ABLIM2: variants seen among roughly 807,000 people sequenced by gnomAD.
The protein encoded by ABLIM2 is actin-binding LIM protein 2.
Under a neutral mutation model 97.7 loss-of-function variants are expected in ABLIM2, and 53 were observed. The ratio of observed to expected loss-of-function variants is 0.54; its 90% CI spans 0.44 to 0.68. The LOEUF (loss-of-function observed/expected upper bound fraction) is 0.68, where lower values mean the gene tolerates loss of function less well. Among genes scored for constraint, ABLIM2 ranks in the 30% least tolerant of loss-of-function variants. ABLIM2 has a pLI of 0.00. For synonymous variants in ABLIM2, 361 were observed against 345.8 expected, an observed-to-expected ratio of 1.04 and a Z score of -0.49; for missense variants, 835 against 867.2, an observed-to-expected ratio of 0.96 and a Z score of 0.47.
At chr4:8,013,219 CTTTTTTTTTTTTT>C in intron 14 of ABLIM2, among the ~76,000 whole-genome samples, 1 of 110,596 alleles carries the variant, frequency 9.0e-6, no homozygotes, top group East Asian at 2.5e-4. Context: ...AACATTTTTC[CTTTTTTTTTTTTT>C]TTTTTTTTGA....
intron 7 of ABLIM2, among the ~76,000 whole-genome samples, chr4:8,056,336 ACT>A (rs1799143879): frequency 7.6e-6 from 1 of 131,198 alleles, no homozygotes; most frequent in Admixed American, 8.6e-5. Flanking sequence ...ACAGGGTCTC[ACT>A]CTGTTACCCA....
chr4:8,012,906 T>A (rs1350013673), intron 14 of ABLIM2, among the ~76,000 whole-genome samples: 1 of 152,226 alleles, frequency 6.6e-6, no homozygotes, highest in Non-Finnish European at 1.5e-5. Flanking sequence ...TCAGTCCATC[T>A]ACCCTCTGTT....
At position 8,061,862 on chromosome 4, in the gene ABLIM2, G is replaced by A. The variant is rs1335588184; in HGVS notation, c.676-808C>T. On this transcript the variant is annotated intron_variant, in intron 6 of 20. Transcript: ENST00000447017. The surrounding 1 kb of genome is among the most constrained non-coding windows in gnomAD (Gnocchi z 4.5). ...CCAGTTTCCTGAATCAGTAAGTAAA[G>A]GGCTGAAATGTCATTTTGAGCATCC... Among the ~76,000 whole-genome samples the A allele has an allele frequency of 6.6e-6, 1 of 152,080 alleles. No homozygotes were observed. Among genetic ancestry groups the A allele is most frequent in the East Asian group, 1.9e-4 (1 of 5,192 alleles).
In ABLIM2 at chr4:8,128,805, AGAGGCC is replaced by A. The variant is rs1383722409; in HGVS notation, c.11-22174_11-22169del. On this transcript the variant is annotated intron_variant, in intron 1 of 20. Coordinates refer to ENST00000447017, the MANE Select transcript of ABLIM2 (RefSeq NM_001130083.2). The surrounding 1 kb of genome is among the most constrained non-coding windows in gnomAD (Gnocchi z 4.9). ...TCATGGGATGAGTGCCCTTGTAAGA[AGAGGCC>A]AGAGGCTGCCTCGCTCTTTCTACCA... Among the ~76,000 whole-genome samples the A allele has an allele frequency of 6.6e-6, 1 of 152,176 alleles. No homozygotes were observed. Among genetic ancestry groups the A allele is most frequent in the Admixed American group, 6.5e-5 (1 of 15,286 alleles).
At chr4:8,011,527 G>A (rs546275689) in intron 14 of ABLIM2, among the ~76,000 whole-genome samples, 107 of 152,290 alleles carry the variant, frequency 7.0e-4, no homozygotes, top group Middle Eastern at 6.8e-3. Context: ...ACCCCTCCAC[G>A]TTGTGAGGAT....
chr4:7,985,944 C>G (rs1743597129), intron 17 of ABLIM2, among the ~76,000 whole-genome samples: 1 of 152,256 alleles, frequency 6.6e-6, no homozygotes, highest in East Asian at 1.9e-4. Context: ...GCAGTCCTGC[C>G]CCTGCCCACT....
At chr4:8,000,001 C>A (rs1455241274) in intron 16 of ABLIM2, among the ~76,000 whole-genome samples, 1 of 152,184 alleles carries the variant, frequency 6.6e-6, no homozygotes, top group African/African-American at 2.4e-5. Flanking sequence ...CACACAGCAT[C>A]CGGGTCTGCT....
At chr4:8,048,800 C>T (rs948220338) in intron 8 of ABLIM2, among the ~76,000 whole-genome samples, 12 of 152,154 alleles carry the variant, frequency 7.9e-5, no homozygotes, top group Admixed American at 3.9e-4. Flanking sequence ...AGGACCAGCC[C>T]GGCCAGTCCA....
At chr4:8,059,632 TG>T (rs1801562468) in intron 7 of ABLIM2, among the ~76,000 whole-genome samples, 1 of 152,030 alleles carries the variant, frequency 6.6e-6, no homozygotes, top group African/African-American at 2.4e-5. Context: ...CGGGGCATGG[TG>T]GATCATACCT....
Position 8,088,227 on chromosome 4 carries a change from C to T in ABLIM2, c.396G>A (p.Gln132=). 1.2e-6 allele frequency: 2 copies of T among 1,613,122 alleles called. No individual in the cohort carries two copies. The highest frequency in any genetic ancestry group is 1.7e-6 in the Non-Finnish European group (2 of 1,179,674). The change falls in exon 4 of 21, where the codon CAG becomes CAA. Residue 132 remains glutamine, a synonymous_variant. Coordinates refer to ENST00000447017, the MANE Select transcript of ABLIM2 (RefSeq NM_001130083.2). ...VTFNGKECMC[Q]KCSLPVSVGS... is the part of the protein sequence containing the mutation. Reference sequence around the variant, plus strand: ...CCACCGATACGGGCAGGGAACACTTCTGGCACATGCATTCCTTCCCGTTGA... The same window carrying T: ...CCACCGATACGGGCAGGGAACACTTTTGGCACATGCATTCCTTCCCGTTGA...
At position 8,149,837 on chromosome 4, in the gene ABLIM2, G is replaced by A. The variant is rs1282209005; in HGVS notation, c.10+8843C>T. Among the ~76,000 whole-genome samples the A allele has an allele frequency of 5.3e-5, 8 of 151,978 alleles. No homozygotes were observed. The highest frequency in any genetic ancestry group is 2.4e-5 in the African/African-American group (1 of 41,372). On this transcript the variant is annotated intron_variant, in intron 1 of 20. Transcript: ENST00000447017. The surrounding 1 kb of genome is among the most constrained non-coding windows in gnomAD (Gnocchi z 6.4). The stretch of plus-strand genomic sequence containing the variant: ...GACTGGCCCTGCGCCCAGACAGGAC[G>A]GGGCCTATGGAGTAAGACCCCACAC...
intron 20 of ABLIM2, among the ~76,000 whole-genome samples, chr4:7,971,029 C>T (rs1451512283): frequency 1.3e-5 from 2 of 152,098 alleles, no homozygotes; most frequent in East Asian, 1.9e-4. Flanking sequence ...ACATGAGGGG[C>T]TCTCCGCAGC....
intron 7 of ABLIM2, among the ~76,000 whole-genome samples, chr4:8,056,129 A>C (rs866243645): frequency 7.8e-6 from 1 of 127,948 alleles, no homozygotes. Context: ...AAAAAAAAAA[A>C]AAAAAAAAAA....
At chr4:8,036,454 GC>G (rs5856001) in intron 9 of ABLIM2, among the ~76,000 whole-genome samples, 159 bp from the exon 10 acceptor site, 56,914 of 149,790 alleles carry the variant, frequency 0.38, 11,658 homozygotes, top group African/African-American at 0.53. Context: ...ACAGGACAGT[GC>G]CCCCAAAGCC....
At chr4:7,967,965 T>C (rs937191849) in intron 20 of ABLIM2, among the ~76,000 whole-genome samples, 1 of 152,238 alleles carries the variant, frequency 6.6e-6, no homozygotes, top group Admixed American at 6.5e-5. Flanking sequence ...CTTCTAGCTC[T>C]GCCTTGCAGG....
At position 8,015,191 on chromosome 4, in the gene ABLIM2, G is replaced by A. The variant is rs891326283; in HGVS notation, c.1423+4427C>T. On this transcript the variant is annotated intron_variant, in intron 14 of 20. Coordinates refer to ENST00000447017, the MANE Select transcript of ABLIM2 (RefSeq NM_001130083.2). This position sits in a 1 kb window ranked among gnomAD's most constrained non-coding sequence, Gnocchi z 4.6. The stretch of plus-strand genomic sequence containing the variant: ...TCACCTCAGCCTCCCAAAGTGCTGG[G>A]ATTACAGGTGTGAGCCACCGTGCCC... 1.1e-4 allele frequency among the ~76,000 whole-genome samples: 16 copies of A among 152,134 alleles called. No individual in the cohort carries two copies. The highest frequency in any genetic ancestry group is 3.4e-4 in the African/African-American group (14 of 41,412).
At chr4:8,114,623 G>A (rs1170418800) in intron 1 of ABLIM2, among the ~76,000 whole-genome samples, 1 of 152,210 alleles carries the variant, frequency 6.6e-6, no homozygotes, top group Non-Finnish European at 1.5e-5. Context: ...CGAGGACGCT[G>A]CTCTCTGGAG....
At chr4:8,144,714 G>A (rs1430879322) in intron 1 of ABLIM2, among the ~76,000 whole-genome samples, 1 of 152,290 alleles carries the variant, frequency 6.6e-6, no homozygotes, top group East Asian at 1.9e-4. Context: ...CCCACCACCT[G>A]GTGTGAAGAG....
intron 14 of ABLIM2, among the ~76,000 whole-genome samples, chr4:8,011,695 A>T (rs1375809115): frequency 1.3e-5 from 2 of 152,206 alleles, no homozygotes; most frequent in Admixed American, 6.5e-5. Context: ...TCAGAGAAAG[A>T]GAGTTTAATA....
Sources: gnomAD v4.1 joint callset for allele counts (sites outside exome capture counted in the v4.1 genomes callset) on GRCh38, gnomAD v4.1.1 for gene constraint, Gnocchi (gnomAD v3.1) non-coding constraint, MANE v1.5 for transcripts, NCBI Gene and HGNC (gene_info 2026-07-23, HGNC 2026-07-21) for gene names.